Variants in SLC2A13 observed in about 807,000 individuals in gnomAD.
SLC2A13 encodes the protein solute carrier family 2 member 13.
In SLC2A13, 32 loss-of-function variants were observed where a neutral mutation model predicts 64.4. The ratio of observed to expected loss-of-function variants is 0.50; its 90% CI spans 0.37 to 0.67. SLC2A13 has a LOEUF of 0.67. Among genes scored for constraint, SLC2A13 ranks in the 30% least tolerant of loss-of-function variants. The probability of loss-of-function intolerance (pLI) is 0.00; values close to 1 mark genes in which losing one functional copy is unlikely to be tolerated. For missense variants in SLC2A13, 743 were observed against 829.2 expected (o/e 0.90, Z 1.28); for synonymous variants, 338 against 327.1 (o/e 1.03, Z -0.36).
intron 1 of SLC2A13, among the ~76,000 whole-genome samples, chr12:40,104,318 C>T (rs1156270820): frequency 2.6e-5 from 4 of 152,196 alleles, no homozygotes; most frequent in Admixed American, 2.6e-4. Flanking sequence ...TCTAATAATA[C>T]AGAGCACATT....
At position 39,909,246 on chromosome 12, in the gene SLC2A13, CT is replaced by C. The variant is rs202173947; in HGVS notation, c.1035-37286del. ...TACAATACTTCCTAATCATATAATT[CT>C]TTTATAAGTCATTTCTTATTTCTAA... On this transcript the variant is annotated intron_variant, in intron 4 of 9. Coordinates refer to ENST00000280871, the MANE Select transcript of SLC2A13 (RefSeq NM_052885.4). Among the ~76,000 whole-genome samples the C allele has an allele frequency of 7.9e-5, 12 of 152,062 alleles. No individual in the cohort carries two copies. The East Asian group carries it at 2.3e-3, about 29-fold the overall frequency.
At chr12:39,851,364 G>T (rs1489036846) in intron 6 of SLC2A13, among the ~76,000 whole-genome samples, 1 of 152,122 alleles carries the variant, frequency 6.6e-6, no homozygotes, top group Non-Finnish European at 1.5e-5. Context: ...ATATTAGGCT[G>T]AAGAAAAACA....
At position 39,758,038 on chromosome 12, in the gene SLC2A13, TATGAG is replaced by T. The variant is rs1449578713; in HGVS notation, c.*1983_*1987del. 1.3e-5 allele frequency: 2 copies of T among 151,750 alleles called. No homozygotes were observed. Among genetic ancestry groups the T allele is most frequent in the African/African-American group, 4.8e-5 (2 of 41,398 alleles). 9.4% of individuals were successfully genotyped at this position (151,750 alleles called of 1,614,324 possible). A position where few individuals can be genotyped will look rare whatever the true frequency, so the allele number is the denominator to read the frequency against. ...GTAAAATATTAGATAAGAAATTTCT[TATGAG>T]ATAAGAAATATCAATAGAATAATAA... On this transcript the variant is annotated 3_prime_UTR_variant, in exon 10 of 10. Coordinates refer to ENST00000280871, the MANE Select transcript of SLC2A13 (RefSeq NM_052885.4).
intron 4 of SLC2A13, among the ~76,000 whole-genome samples, chr12:39,935,550 G>C (rs1313452567): frequency 1.3e-5 from 2 of 152,118 alleles, no homozygotes; most frequent in Non-Finnish European, 2.9e-5. Context: ...TTCTCCCTGG[G>C]GAATATTGCA....
intron 3 of SLC2A13, among the ~76,000 whole-genome samples, chr12:39,974,255 G>A (rs779550729): frequency 4.6e-5 from 7 of 152,276 alleles, no homozygotes; most frequent in Non-Finnish European, 7.3e-5. Flanking sequence ...GTCAAGAATC[G>A]TAAACCAAAA....
chr12:40,063,096 C>T lies in SLC2A13; in HGVS notation c.557-14886G>A, dbSNP rs560503918. Among the ~76,000 whole-genome samples, 8 of 152,024 alleles carry T rather than the reference C, an allele frequency of 5.3e-5. No individual in the cohort carries two copies. The South Asian group carries it at 6.2e-4, about 12-fold the overall frequency. ...TAATGATTCTATTAATACCATTTTC[C>T]GGTATCTATTTTACAACTTATTTTA... is the stretch of plus-strand genomic sequence containing the variant. On this transcript the variant is annotated intron_variant, in intron 1 of 9. Coordinates refer to ENST00000280871, the MANE Select transcript of SLC2A13 (RefSeq NM_052885.4).
At chr12:39,911,622 T>C (rs991122608) in intron 4 of SLC2A13, among the ~76,000 whole-genome samples, 1 of 152,140 alleles carries the variant, frequency 6.6e-6, no homozygotes, top group Non-Finnish European at 1.5e-5. Flanking sequence ...ATTTTTCCCC[T>C]TATTTTTCTG....
intron 3 of SLC2A13, among the ~76,000 whole-genome samples, chr12:39,964,469 C>T (rs1018228720): frequency 6.6e-6 from 1 of 152,064 alleles, no homozygotes. Flanking sequence ...GGTGCCATTC[C>T]TAAAATAGAT....
intron 4 of SLC2A13, among the ~76,000 whole-genome samples, chr12:39,881,421 C>T (rs568613816): frequency 3.6e-4 from 55 of 152,118 alleles, no homozygotes; most frequent in Non-Finnish European, 6.8e-4. Context: ...GCATCATTTC[C>T]TCACGACTGT....
At chr12:39,891,873 T>A (rs1395826944) in intron 4 of SLC2A13, among the ~76,000 whole-genome samples, 1 of 152,176 alleles carries the variant, frequency 6.6e-6, no homozygotes, top group Admixed American at 6.5e-5. Context: ...TTTTTTAAAG[T>A]GGTTTGATCA....
intron 4 of SLC2A13, among the ~76,000 whole-genome samples, chr12:39,875,605 T>C (rs1384798403): frequency 6.6e-6 from 1 of 152,132 alleles, no homozygotes; most frequent in African/African-American, 2.4e-5. Context: ...AGCCAACAGT[T>C]ATAATGAGAA....
chr12:40,076,494 T>G (rs1224033065), intron 1 of SLC2A13, among the ~76,000 whole-genome samples: 2 of 152,192 alleles, frequency 1.3e-5, no homozygotes, highest in African/African-American at 4.8e-5. Flanking sequence ...TGATCTGATT[T>G]TTTTTATAGT....
chr12:39,963,782 T>C (rs992252102), intron 3 of SLC2A13, among the ~76,000 whole-genome samples: 1 of 152,232 alleles, frequency 6.6e-6, no homozygotes, highest in Non-Finnish European at 1.5e-5. Flanking sequence ...TTGAGTAATA[T>C]TCTATTAGCA....
Position 40,105,420 on chromosome 12 carries a change from G to A in SLC2A13, c.389C>T (p.Ala130Val), listed in dbSNP as rs1160176897. ...TCCGGCCAGCGCCGAGACGGCAGCC[G>A]CCCCCACCGTGCTGGACACCAGCAG... ...QELLVSSTVG[A>V]AAVSALAGGA... Residue 130 changes from alanine (A) to valine (V), a missense_variant, in exon 1 of 10, where the codon GCG becomes GTG. Coordinates refer to ENST00000280871, the MANE Select transcript of SLC2A13 (RefSeq NM_052885.4). The surrounding 1 kb of genome is among the most constrained non-coding windows in gnomAD (Gnocchi z 4.2). 4 of 1,549,496 alleles carry A rather than the reference G, an allele frequency of 2.6e-6. No individual in the cohort carries two copies. Among genetic ancestry groups the A allele is most frequent in the Admixed American group, 2.0e-5 (1 of 50,844 alleles).
chr12:40,018,216 C>T (rs145612050), intron 3 of SLC2A13, among the ~76,000 whole-genome samples: 1 of 152,224 alleles, frequency 6.6e-6, no homozygotes, highest in East Asian at 1.9e-4. Context: ...AAGAAATCCA[C>T]ACTCCTTTTT....
At chr12:40,007,625 T>C (rs531104743) in intron 3 of SLC2A13, among the ~76,000 whole-genome samples, 21 of 152,324 alleles carry the variant, frequency 1.4e-4, no homozygotes, top group Admixed American at 2.6e-4. Flanking sequence ...TATACTGTTC[T>C]AATAAGATAA....
chr12:39,827,003 G>A (rs955251750), intron 7 of SLC2A13, among the ~76,000 whole-genome samples: 1 of 144,988 alleles, frequency 6.9e-6, no homozygotes, highest in Non-Finnish European at 1.5e-5. Context: ...TACTTTTAAT[G>A]GCAAAAAGTA....
At chr12:39,865,147 T>C (rs1383027372) in intron 5 of SLC2A13, among the ~76,000 whole-genome samples, 1 of 152,166 alleles carries the variant, frequency 6.6e-6, no homozygotes. Context: ...AGTAAATTGG[T>C]AATGATTTTT....
At chr12:40,022,860 GTAATTTTT>G (rs1293969546) in intron 3 of SLC2A13, among the ~76,000 whole-genome samples, 8 of 151,366 alleles carry the variant, frequency 5.3e-5, no homozygotes, top group African/African-American at 1.5e-4. Context: ...GTTTTAATAT[GTAATTTTT>G]TAACATGGAA....
Sources: allele counts gnomAD v4.1 joint callset (sites outside exome capture counted in the v4.1 genomes callset), GRCh38; gene constraint gnomAD v4.1.1; non-coding constraint Gnocchi (gnomAD v3.1); transcripts MANE v1.5; gene names NCBI Gene and HGNC (gene_info 2026-07-23, HGNC 2026-07-21).